The following CUL5 variants were observed in gnomAD, a reference collection of about 807,000 sequenced individuals.
CUL5 encodes cullin-5.
Under a neutral mutation model 108.8 loss-of-function variants are expected in CUL5, and 26 were observed. That is an observed-to-expected ratio of 0.24 (90% CI 0.18 to 0.33). CUL5 has a LOEUF of 0.33. Among genes scored for constraint, CUL5 ranks in the 10% least tolerant of loss-of-function variants. The pLI is 1.00. For synonymous variants in CUL5, 334 were observed against 298.0 expected, an observed-to-expected ratio of 1.12 and a Z score of -1.25; for missense variants, 524 against 909.2, an observed-to-expected ratio of 0.58 and a Z score of 5.45.
chr11:108,099,640 G>T (rs1762475758), intron 18 of CUL5, among the ~76,000 whole-genome samples: 1 of 152,198 alleles, frequency 6.6e-6, no homozygotes, highest in Admixed American at 6.5e-5. Flanking sequence ...ATAATTTTCA[G>T]TGAGTTGTGA....
intron 1 of CUL5, among the ~76,000 whole-genome samples, chr11:108,030,658 A>G (rs185419578): frequency 1.6e-3 from 247 of 152,308 alleles, no homozygotes; most frequent in Non-Finnish European, 2.2e-3. Flanking sequence ...AGAAAAAAGA[A>G]TACAGTGTGA....
At position 108,054,910 on chromosome 11, in the gene CUL5, A is replaced by G. The variant is rs1863334740; in HGVS notation, c.735A>G (p.Ala245=). 2.5e-6 allele frequency: 4 copies of G among 1,609,150 alleles called. 1 individual carries two copies. In the South Asian group the frequency reaches 3.4e-5, roughly 14 times the overall value. The change falls in exon 7 of 19, where the codon GCA becomes GCG. Residue 245 remains alanine, a synonymous_variant. Coordinates refer to ENST00000393094, the MANE Select transcript of CUL5 (RefSeq NM_003478.6). ...AATTAAAAGAAGAAGAAAAACGAGC[A>G]CTACGTTATTTAGAAACAAGACGAG... ...DAKLKEEEKR[A]LRYLETRREC...
intron 2 of CUL5, among the ~76,000 whole-genome samples, chr11:108,035,723 C>A (rs1296547412): frequency 6.6e-6 from 1 of 151,774 alleles, no homozygotes; most frequent in African/African-American, 2.4e-5. Context: ...CCACTACACT[C>A]CAGGCTGGGT....
At chr11:108,070,455 A>G (rs1211141251) in intron 8 of CUL5, among the ~76,000 whole-genome samples, 2 of 152,152 alleles carry the variant, frequency 1.3e-5, no homozygotes, top group East Asian at 1.9e-4. Context: ...CTCAAAAGCA[A>G]GACACTGCTT....
At chr11:108,021,821 A>G (rs1289338490) in intron 1 of CUL5, among the ~76,000 whole-genome samples, 1 of 151,564 alleles carries the variant, frequency 6.6e-6, no homozygotes. Flanking sequence ...CAGTTTATTT[A>G]TTTATTTTTC....
rs955072153 is a variant in CUL5, at chr11:108,009,225, C to G, written c.-124C>G. ...CGCTGTCGGCGCGCTGCTCCAGCGCCCACCACACCCTGGTGCGGGCCGACG... is the reference window on the plus strand; with the variant it reads ...CGCTGTCGGCGCGCTGCTCCAGCGCGCACCACACCCTGGTGCGGGCCGACG... On this transcript the variant is annotated 5_prime_UTR_variant, in exon 1 of 19. Coordinates refer to ENST00000393094, the MANE Select transcript of CUL5 (RefSeq NM_003478.6). 1.0e-6 allele frequency: 1 copy of G among 999,086 alleles called. No homozygotes were observed. The highest frequency in any genetic ancestry group is 1.5e-6 in the Non-Finnish European group (1 of 655,560). The allele number at this position is 999,086 out of a possible 1,614,324, so 61.9% of individuals were successfully genotyped here. A position where few individuals can be genotyped will look rare whatever the true frequency, so the allele number is the denominator to read the frequency against.
At chr11:108,053,751 C>T (rs2135137543) in intron 5 of CUL5, among the ~76,000 whole-genome samples, 1 of 150,360 alleles carries the variant, frequency 6.7e-6, no homozygotes. Context: ...GTGATCATGG[C>T]TCATTGAGCC....
At chr11:108,072,254 T>C in intron 8 of CUL5, 78 bp from the exon 9 acceptor site, 1 of 1,210,254 alleles carries the variant, frequency 8.3e-7, no homozygotes, top group Non-Finnish European at 1.2e-6. Context: ...CTATTAACAT[T>C]ACAAACTTAA....
At chr11:108,098,276 T>C in intron 17 of CUL5, 130 bp from the exon 18 acceptor site, 1 of 774,100 alleles carries the variant, frequency 1.3e-6, no homozygotes, top group South Asian at 2.8e-5. Flanking sequence ...GTAGGTTATT[T>C]GTCATTTAAC....
intron 2 of CUL5, among the ~76,000 whole-genome samples, chr11:108,041,014 G>C (rs547461193): frequency 1.2e-4 from 18 of 152,322 alleles, no homozygotes; most frequent in Middle Eastern, 6.8e-3. Flanking sequence ...ATGCAAAAGT[G>C]ATTTGAGTAC....
chr11:108,058,904 C>G (rs1863467091), intron 7 of CUL5, among the ~76,000 whole-genome samples: 1 of 152,090 alleles, frequency 6.6e-6, no homozygotes, highest in South Asian at 2.1e-4. Context: ...TAATGTAAAA[C>G]AAGGTAAGAG....
intron 1 of CUL5, among the ~76,000 whole-genome samples, chr11:108,010,015 T>G (rs1198055879): frequency 6.6e-6 from 1 of 152,216 alleles, no homozygotes. Flanking sequence ...ATACCATCGT[T>G]TTAGGGCGCA....
chr11:108,081,644 C>T (rs1186491628), intron 11 of CUL5, among the ~76,000 whole-genome samples: 2 of 151,578 alleles, frequency 1.3e-5, no homozygotes, highest in African/African-American at 4.9e-5. Context: ...CCCAGCTACT[C>T]GGGAGGCTGA....
intron 7 of CUL5, among the ~76,000 whole-genome samples, chr11:108,069,243 C>G (rs1027635925): frequency 2.0e-5 from 3 of 152,148 alleles, no homozygotes; most frequent in African/African-American, 7.2e-5. Flanking sequence ...TGTACTCCAG[C>G]TTGGGCAGCA....
intron 13 of CUL5, 46 bp from the exon 14 acceptor site, chr11:108,094,345 A>G (rs767731531): frequency 1.4e-6 from 2 of 1,396,026 alleles, no homozygotes; most frequent in Non-Finnish European, 9.7e-7. Context: ...GTAATATATC[A>G]GATTATGTAT....
At chr11:108,099,933 G>A (rs909326054) in intron 18 of CUL5, among the ~76,000 whole-genome samples, 3 of 149,346 alleles carry the variant, frequency 2.0e-5, no homozygotes, top group South Asian at 2.1e-4. Flanking sequence ...ATGGACTCAA[G>A]CGATCCTCCT....
At chr11:108,053,371 C>T (rs188086534) in intron 5 of CUL5, among the ~76,000 whole-genome samples, 1 of 152,276 alleles carries the variant, frequency 6.6e-6, no homozygotes, top group Non-Finnish European at 1.5e-5. Context: ...GAATGCATGG[C>T]ACAAAATCAC....
Position 108,025,510 on chromosome 11 carries a change from C to T in CUL5, c.25-8292C>T, listed in dbSNP as rs546811290. ...GTTAGAGTGTGTCCAGAATATCACT[C>T]GGGGTAGGGCTACTTTGGCTCCACT... On this transcript the variant is annotated intron_variant, in intron 1 of 18. Transcript: ENST00000393094. Among the ~76,000 whole-genome samples the T allele has an allele frequency of 7.2e-5, 11 of 152,194 alleles. 1 individual carries two copies. The South Asian group carries it at 2.1e-3, about 29-fold the overall frequency.
intron 11 of CUL5, among the ~76,000 whole-genome samples, chr11:108,078,515 T>C (rs1323792371): frequency 1.3e-5 from 2 of 152,150 alleles, no homozygotes; most frequent in Admixed American, 6.5e-5. Flanking sequence ...AAGTATTCTA[T>C]TACCCATAGA....
Sources: allele counts gnomAD v4.1 joint callset (sites outside exome capture counted in the v4.1 genomes callset), GRCh38; gene constraint gnomAD v4.1.1; transcripts MANE v1.5; gene names NCBI Gene and HGNC (gene_info 2026-07-23, HGNC 2026-07-21).